Variants in CHODL observed in about 807,000 individuals in gnomAD.
CHODL encodes the protein transmembrane protein MT75.
CHODL carries 29 observed loss-of-function variants against 34.5 expected under a neutral mutation model. That is an observed-to-expected ratio of 0.84 (90% CI 0.63 to 1.15). The LOEUF (loss-of-function observed/expected upper bound fraction) is 1.15, where lower values mean the gene tolerates loss of function less well. Among genes scored for constraint, CHODL ranks in the 50% most tolerant of loss-of-function variants. The pLI is 0.00. For missense variants in CHODL, 332 were observed against 332.5 expected (o/e 1.00, Z 0.01); for synonymous variants, 125 against 116.1 (o/e 1.08, Z -0.49).
At chr21:18,227,105 G>C (rs1205851643) in intron 2 of CHODL, among the ~76,000 whole-genome samples, 1 of 152,130 alleles carries the variant, frequency 6.6e-6, no homozygotes, top group Admixed American at 6.6e-5. Context: ...TCCTCACATA[G>C]TGGAAGGGGC....
intron 1 of CHODL, among the ~76,000 whole-genome samples, chr21:18,018,853 A>G (rs2064100716): frequency 1.3e-5 from 2 of 152,242 alleles, no homozygotes; most frequent in South Asian, 4.1e-4. Flanking sequence ...AAAGCGGGGA[A>G]TTGCAGTTAT....
Position 18,162,713 on chromosome 21 carries a change from A to G in CHODL, c.-44-93796A>G, listed in dbSNP as rs571002713. 7.9e-5 allele frequency among the ~76,000 whole-genome samples: 12 copies of G among 152,344 alleles called. 1 individual carries two copies. In the South Asian group the frequency reaches 2.3e-3, roughly 29 times the overall value. Reference sequence around the variant, plus strand: ...TTAAACTTCAATTAAATAGAATTATATACCATATATTCTTCTGTGTCATCT... The same window carrying G: ...TTAAACTTCAATTAAATAGAATTATGTACCATATATTCTTCTGTGTCATCT... On this transcript the variant is annotated intron_variant, in intron 2 of 6. Coordinates refer to the CHODL transcript ENST00000400127.
At position 17,963,074 on chromosome 21, in the gene CHODL, AAT is replaced by A. The variant is rs538370069; in HGVS notation, c.-145+45676_-145+45677del. 4.0e-4 allele frequency among the ~76,000 whole-genome samples: 31 copies of A among 77,832 alleles called. 1 individual carries two copies. The highest frequency in any genetic ancestry group is 7.7e-4 in the African/African-American group (15 of 19,592). The allele number at this position is 77,832 out of a possible 152,430, so 51.1% of individuals were successfully genotyped here. On this transcript the variant is annotated intron_variant, in intron 1 of 6. Coordinates refer to the CHODL transcript ENST00000400127. Reference sequence around the variant, plus strand: ...GCGAGACTATGTCTCAAAAAAAAAAAATAATAATAATAATAATAATAACTTCC... The same window carrying A: ...GCGAGACTATGTCTCAAAAAAAAAAAAATAATAATAATAATAATAACTTCC...
intron 2 of CHODL, among the ~76,000 whole-genome samples, chr21:18,098,451 T>C (rs1294307442): frequency 6.6e-6 from 1 of 152,064 alleles, no homozygotes; most frequent in African/African-American, 2.4e-5. Flanking sequence ...AACAGGCATG[T>C]AAAAAAGTGC....
chr21:18,141,102 CA>C (rs2072795951), intron 2 of CHODL, among the ~76,000 whole-genome samples: 1 of 151,754 alleles, frequency 6.6e-6, no homozygotes, highest in Non-Finnish European at 1.5e-5. Context: ...ATAAATGCAT[CA>C]AGCATAAAAA....
chr21:17,950,972 AG>A (rs1386090718), intron 1 of CHODL, among the ~76,000 whole-genome samples: 3 of 152,200 alleles, frequency 2.0e-5, no homozygotes, highest in Admixed American at 6.5e-5. Context: ...GAGGTCTTAA[AG>A]TATTTCATTG....
chr21:18,103,840 T>C (rs2065243408), intron 2 of CHODL, among the ~76,000 whole-genome samples: 2 of 152,202 alleles, frequency 1.3e-5, no homozygotes, highest in South Asian at 4.1e-4. Flanking sequence ...CAAACATCCT[T>C]TCTGTCACAT....
intron 2 of CHODL, among the ~76,000 whole-genome samples, chr21:18,100,822 T>C (rs1346642978): frequency 2.6e-5 from 4 of 152,138 alleles, no homozygotes; most frequent in Non-Finnish European, 5.9e-5. Flanking sequence ...ATTTATATAC[T>C]GTATGTGAAA....
chr21:18,241,389 A>G (rs1601188963), upstream of CHODL, among the ~76,000 whole-genome samples: 1 of 152,326 alleles, frequency 6.6e-6, no homozygotes, highest in East Asian at 1.9e-4. Flanking sequence ...GTTATTAGAT[A>G]AAGTATAATA....
intron 1 of CHODL, among the ~76,000 whole-genome samples, chr21:17,931,475 A>G (rs1006777783): frequency 6.6e-6 from 1 of 152,240 alleles, no homozygotes; most frequent in African/African-American, 2.4e-5. Context: ...CCAGTATAAG[A>G]ACTCTGGCAC....
At chr21:18,067,747 A>C (rs972096979) in intron 2 of CHODL, among the ~76,000 whole-genome samples, 1 of 152,162 alleles carries the variant, frequency 6.6e-6, no homozygotes, top group African/African-American at 2.4e-5. Context: ...ACTGGCAATC[A>C]TAGAGTGTTT....
intron 1 of CHODL, among the ~76,000 whole-genome samples, chr21:17,953,812 C>T (rs1015927708): frequency 6.6e-6 from 1 of 152,070 alleles, no homozygotes; most frequent in African/African-American, 2.4e-5. Flanking sequence ...GAGTCCAAGA[C>T]CAGCCTGACC....
intron 2 of CHODL, among the ~76,000 whole-genome samples, chr21:18,091,677 G>A (rs532450485): frequency 7.2e-4 from 109 of 152,220 alleles, no homozygotes; most frequent in African/African-American, 2.5e-3. Context: ...GCCTAGACTC[G>A]TGGACAACAT....
At chr21:18,137,756 A>G (rs1426411470) in intron 2 of CHODL, among the ~76,000 whole-genome samples, 1 of 152,208 alleles carries the variant, frequency 6.6e-6, no homozygotes, top group East Asian at 1.9e-4. Context: ...GTATGTGTAT[A>G]TATGCTTTCT....
intron 2 of CHODL, among the ~76,000 whole-genome samples, chr21:18,095,773 A>C (rs1257994688): frequency 1.3e-5 from 2 of 152,212 alleles, no homozygotes; most frequent in Non-Finnish European, 2.9e-5. Flanking sequence ...TAGCAAACTG[A>C]ATCCAACAAT....
intron 2 of CHODL, among the ~76,000 whole-genome samples, chr21:18,105,434 A>C (rs767122996): frequency 6.6e-6 from 1 of 152,168 alleles, no homozygotes. Flanking sequence ...TCTGTGACTC[A>C]TTTCATTTCA....
intron 2 of CHODL, among the ~76,000 whole-genome samples, chr21:18,055,222 T>G (rs1169866997): frequency 2.6e-5 from 4 of 151,932 alleles, no homozygotes; most frequent in Non-Finnish European, 5.9e-5. Flanking sequence ...AGAGCTTATA[T>G]AGAGAATTTA....
At chr21:17,986,646 A>G (rs894851215) in intron 1 of CHODL, among the ~76,000 whole-genome samples, 22 of 152,166 alleles carry the variant, frequency 1.4e-4, no homozygotes, top group African/African-American at 5.1e-4. Flanking sequence ...TGTCTTTATC[A>G]CAGAATGATT....
chr21:17,927,126 A>G (rs180697739), intron 1 of CHODL, among the ~76,000 whole-genome samples: 41 of 113,324 alleles, frequency 3.6e-4, no homozygotes, highest in African/African-American at 1.4e-3. Context: ...GTATATATGT[A>G]TATATATGTA....
Sources: allele counts gnomAD v4.1 joint callset (sites outside exome capture counted in the v4.1 genomes callset), GRCh38; gene constraint gnomAD v4.1.1; transcripts MANE v1.5; gene names NCBI Gene and HGNC (gene_info 2026-07-23, HGNC 2026-07-21).